PRAG1: variants seen among roughly 807,000 people sequenced by gnomAD.
The protein encoded by PRAG1 is PEAK1 related, kinase-activating pseudokinase 1.
A neutral mutation model predicts 95.6 loss-of-function variants in PRAG1; 110 were observed. The observed-to-expected ratio is 1.15, with a 90% confidence interval of 0.99 to 1.35. The LOEUF is 1.35. Among genes scored for constraint, PRAG1 ranks in the 40% most tolerant of loss-of-function variants. The pLI, the probability that PRAG1 is intolerant of heterozygous loss-of-function variation, is 0.00. For synonymous variants in PRAG1, 1,052 were observed against 819.4 expected (o/e 1.28, Z -4.85); for missense variants, 2,554 against 1,864.7 (o/e 1.37, Z -6.81).
In PRAG1 at chr8:8,317,861, C is replaced by G. The variant is rs745316988; in HGVS notation, c.*293G>C. On this transcript the variant is annotated 3_prime_UTR_variant, in exon 6 of 6. Coordinates refer to ENST00000615670, the MANE Select transcript of PRAG1 (RefSeq NM_001080826.3). ...TTGAGGCCAGTGTCCAGGCTGCATTCAGTTCACAGAACTGTCCTCAGGACG... is the reference window on the plus strand; with the variant it reads ...TTGAGGCCAGTGTCCAGGCTGCATTGAGTTCACAGAACTGTCCTCAGGACG... 8.8e-6 allele frequency: 2 copies of G among 228,410 alleles called. No homozygotes were observed. The highest frequency in any genetic ancestry group is 8.3e-6 in the Non-Finnish European group (1 of 120,986). The allele number at this position is 228,410 out of a possible 1,614,324, so 14.1% of individuals were successfully genotyped here.
intron 3 of PRAG1, among the ~76,000 whole-genome samples, chr8:8,363,445 C>G (rs994558455): frequency 1.3e-5 from 2 of 152,084 alleles, no homozygotes; most frequent in Admixed American, 6.6e-5. Context: ...GAACATTATG[C>G]TAAGTGAAAC....
At chr8:8,385,837 C>A (rs1337331268) in intron 1 of PRAG1, among the ~76,000 whole-genome samples, 2 of 152,074 alleles carry the variant, frequency 1.3e-5, no homozygotes, top group African/African-American at 4.8e-5. Flanking sequence ...AGGGCATCAT[C>A]TCGTTGCCTC....
rs76982092 is a variant in PRAG1 at position 8,339,410 on chromosome 8, A to G, written c.2320+68T>C. 7.9e-4 allele frequency: 1,211 copies of G among 1,526,650 alleles called. 6 individuals are homozygous for G. In the African/African-American group the frequency reaches 9.8e-3, roughly 12 times the overall value. The allele number at this position is 1,526,650 out of a possible 1,614,324, so 94.6% of individuals were successfully genotyped here. A position where few individuals can be genotyped will look rare whatever the true frequency, so the allele number is the denominator to read the frequency against. On this transcript the variant is annotated intron_variant, in intron 4 of 5. Transcript: ENST00000615670. ...CTTGCTCAGCCCTTCCAATCCCGCA[A>G]GCAACGCAGGACTGGTCTTGAAGGT...
chr8:8,346,784 T>C (rs1210299464), intron 3 of PRAG1, among the ~76,000 whole-genome samples: 2 of 152,170 alleles, frequency 1.3e-5, no homozygotes, highest in Non-Finnish European at 2.9e-5. Context: ...CAAAGTGTGA[T>C]TGAGGCCGAT....
intron 5 of PRAG1, 91 bp from the exon 6 acceptor site, chr8:8,319,393 A>G: frequency 1.8e-6 from 2 of 1,087,184 alleles, no homozygotes; most frequent in Non-Finnish European, 2.6e-6. Flanking sequence ...TACGTGCAAT[A>G]AGCCTATCCA....
intron 5 of PRAG1, among the ~76,000 whole-genome samples, chr8:8,326,919 C>G (rs907611165): frequency 6.6e-6 from 1 of 152,208 alleles, no homozygotes; most frequent in Non-Finnish European, 1.5e-5. Flanking sequence ...AGAGTGAATG[C>G]TCACACAAAT....
intron 3 of PRAG1, among the ~76,000 whole-genome samples, chr8:8,345,862 G>A (rs115076263): frequency 0.016 from 2,375 of 152,216 alleles, 63 homozygotes; most frequent in African/African-American, 0.045. Flanking sequence ...AAAAGCATCC[G>A]CCCTGGAAAC....
chr8:8,347,251 G>GGTT (rs1166228454), intron 3 of PRAG1, among the ~76,000 whole-genome samples: 8 of 152,148 alleles, frequency 5.3e-5, no homozygotes, highest in Admixed American at 5.2e-4. Context: ...CCAAGGGGCA[G>GGTT]CCCTTGGGTG....
chr8:8,375,423 C>G (rs981013314), intron 3 of PRAG1, among the ~76,000 whole-genome samples: 8 of 152,030 alleles, frequency 5.3e-5, no homozygotes, highest in Non-Finnish European at 1.2e-4. Context: ...AGGATGGTCT[C>G]GATCTCCTGA....
chr8:8,380,502 G>C (rs1328749355), intron 2 of PRAG1, among the ~76,000 whole-genome samples: 1 of 151,776 alleles, frequency 6.6e-6, no homozygotes, highest in East Asian at 1.9e-4. Context: ...GGGAGGGTGA[G>C]GCAGGAGAAT....
rs1202135155 is a variant in PRAG1 at position 8,327,066 on chromosome 8, A to G, written c.3072+644T>C. On this transcript the variant is annotated intron_variant, in intron 5 of 5. Coordinates refer to ENST00000615670, the MANE Select transcript of PRAG1 (RefSeq NM_001080826.3). ...TAAGGAAGCTTATATTCACACCTAC[A>G]TACTCAGATTGTGGCAAAGTACCTG... 3.9e-5 allele frequency among the ~76,000 whole-genome samples: 6 copies of G among 152,190 alleles called. No homozygotes were observed. The South Asian group carries it at 1.0e-3, about 26-fold the overall frequency.
Position 8,341,070 on chromosome 8 carries a change from T to A in PRAG1, c.2163-1435A>T, listed in dbSNP as rs554077790. ...CTCCAAGGGAAGCCAGGATATGAAGTCATGCATAACAACTCCTCAGTCTAG... is the reference window on the plus strand; with the variant it reads ...CTCCAAGGGAAGCCAGGATATGAAGACATGCATAACAACTCCTCAGTCTAG... On this transcript the variant is annotated intron_variant, in intron 3 of 5. Coordinates refer to ENST00000615670, the MANE Select transcript of PRAG1 (RefSeq NM_001080826.3). 3.9e-5 allele frequency among the ~76,000 whole-genome samples: 6 copies of A among 152,340 alleles called. No homozygotes were observed. The East Asian group carries it at 1.2e-3, about 29-fold the overall frequency.
At chr8:8,368,921 GAA>G (rs76544389) in intron 3 of PRAG1, among the ~76,000 whole-genome samples, 16 of 115,164 alleles carry the variant, frequency 1.4e-4, no homozygotes, top group East Asian at 2.6e-4. Flanking sequence ...TGCTCAGGTT[GAA>G]AAAAAAAAAA....
At chr8:8,366,876 C>T (rs1179438383) in intron 3 of PRAG1, among the ~76,000 whole-genome samples, 1 of 151,922 alleles carries the variant, frequency 6.6e-6, no homozygotes, top group Non-Finnish European at 1.5e-5. Flanking sequence ...TAGTGTCTCG[C>T]TATGTTGCCC....
intron 4 of PRAG1, among the ~76,000 whole-genome samples, chr8:8,333,532 C>A (rs900194174): frequency 1.3e-5 from 2 of 152,202 alleles, no homozygotes; most frequent in Non-Finnish European, 2.9e-5. Flanking sequence ...AACAGCTTAA[C>A]CTCTCTGCAG....
chr8:8,327,681 G>A (rs1798674153), intron 5 of PRAG1, 29 bp downstream of exon 5: 2 of 1,584,596 alleles, frequency 1.3e-6, no homozygotes, highest in East Asian at 4.5e-5. Context: ...CAGTGGCACA[G>A]CAGAATGCAA....
chr8:8,319,389 C>A, intron 5 of PRAG1, 87 bp from the exon 6 acceptor site: 1 of 1,143,344 alleles, frequency 8.7e-7, no homozygotes, highest in Non-Finnish European at 1.2e-6. Context: ...TATCTACGTG[C>A]AATAAGCCTA....
At chr8:8,333,115 G>A (rs1043846120) in intron 4 of PRAG1, among the ~76,000 whole-genome samples, 2 of 152,236 alleles carry the variant, frequency 1.3e-5, no homozygotes, top group African/African-American at 4.8e-5. Context: ...TTTGATGCTG[G>A]TGTTGGATTG....
At position 8,318,841 on chromosome 8, in the gene PRAG1, C is replaced by CGCG. The variant is rs778684581; in HGVS notation, c.3531_3533dup (p.Ala1178dup). The CGCG allele has an allele frequency of 4.4e-6, 4 of 915,158 alleles. No individual in the cohort carries two copies. Among genetic ancestry groups the CGCG allele is most frequent in the East Asian group, 5.6e-5 (1 of 18,002 alleles). 56.7% of individuals were successfully genotyped at this position (915,158 alleles called of 1,614,324 possible). A position where few individuals can be genotyped will look rare whatever the true frequency, so the allele number is the denominator to read the frequency against. ...GCGGGGCGGCAGAGGAGCAGGGAGG[C>CGCG]GCGGCGGCGGCGGGGGCGGGAGCCG... On this transcript the variant is annotated inframe_insertion, in exon 6 of 6. Transcript: ENST00000615670. This position sits in a 1 kb window ranked among gnomAD's most constrained non-coding sequence, Gnocchi z 4.2.
Sources: allele counts gnomAD v4.1 joint callset (sites outside exome capture counted in the v4.1 genomes callset), GRCh38; gene constraint gnomAD v4.1.1; non-coding constraint Gnocchi (gnomAD v3.1); transcripts MANE v1.5; gene names NCBI Gene and HGNC (gene_info 2026-07-23, HGNC 2026-07-21).